The following ADAMTSL1 variants were observed in gnomAD, a reference collection of about 807,000 sequenced individuals.
The protein encoded by ADAMTSL1 is ADAMTS like 1.
ADAMTSL1 carries 126 observed loss-of-function variants against 201.8 expected under a neutral mutation model. The ratio of observed to expected loss-of-function variants is 0.62; its 90% confidence interval spans 0.54 to 0.72. ADAMTSL1 has a LOEUF of 0.72. ADAMTSL1 is among the 30% of genes least tolerant of loss of function. The pLI is 0.00. For synonymous variants in ADAMTSL1, 1,121 were observed against 903.4 expected, an observed-to-expected ratio of 1.24 and a Z score of -4.32; for missense variants, 2,679 against 2,277.8, an observed-to-expected ratio of 1.18 and a Z score of -3.59.
intron 21 of ADAMTSL1, among the ~76,000 whole-genome samples, chr9:18,823,240 C>A (rs892892544): frequency 1.3e-5 from 2 of 152,216 alleles, no homozygotes; most frequent in Admixed American, 1.3e-4. Flanking sequence ...CACTTAATTT[C>A]TCTTCCCTTG....
At chr9:18,681,703 G>GGGGT in intron 11 of ADAMTSL1, 109 bp from the exon 12 acceptor site, 1 of 710,280 alleles carries the variant, frequency 1.4e-6, no homozygotes, top group Non-Finnish European at 2.0e-6. Context: ...CGTGTGGGGG[G>GGGGT]GGGGGGCGGG....
intron 2 of ADAMTSL1, among the ~76,000 whole-genome samples, chr9:18,375,595 G>C (rs1175926397): frequency 1.3e-5 from 2 of 152,140 alleles, no homozygotes; most frequent in Non-Finnish European, 2.9e-5. Context: ...CTTCCGGTGA[G>C]TTTGTGGTCT....
intron 23 of ADAMTSL1, among the ~76,000 whole-genome samples, chr9:18,868,960 T>C (rs1233912070): frequency 1.3e-5 from 2 of 152,204 alleles, no homozygotes; most frequent in Admixed American, 1.3e-4. Context: ...TATGTGGAAA[T>C]AGGGTATTTG....
intron 2 of ADAMTSL1, among the ~76,000 whole-genome samples, chr9:18,290,500 A>G (rs566077614): frequency 3.3e-5 from 5 of 152,262 alleles, no homozygotes; most frequent in African/African-American, 1.2e-4. Context: ...GCTAATAGCC[A>G]TGGTAGAGGC....
At chr9:18,125,172 A>G (rs1458459931) in intron 1 of ADAMTSL1, among the ~76,000 whole-genome samples, 1 of 152,176 alleles carries the variant, frequency 6.6e-6, no homozygotes, top group African/African-American at 2.4e-5. Flanking sequence ...GAGGCCTCAC[A>G]ATCATGGTGG....
chr9:18,263,450 T>C (rs979918857), intron 2 of ADAMTSL1, among the ~76,000 whole-genome samples: 4 of 152,218 alleles, frequency 2.6e-5, no homozygotes, highest in African/African-American at 9.6e-5. Context: ...TGGCGTCACC[T>C]GGTGTTGTAG....
At chr9:18,207,670 G>A (rs1205045390) in intron 2 of ADAMTSL1, among the ~76,000 whole-genome samples, 6 of 152,004 alleles carry the variant, frequency 3.9e-5, no homozygotes, top group South Asian at 4.1e-4. Flanking sequence ...TGTAACATGC[G>A]GTTCATATGT....
intron 7 of ADAMTSL1, among the ~76,000 whole-genome samples, chr9:18,650,065 C>T (rs899310002): frequency 7.9e-5 from 12 of 152,348 alleles, no homozygotes; most frequent in African/African-American, 2.6e-4. Context: ...TTCCAGGCTG[C>T]TTTGTTTACC....
At chr9:18,317,747 G>A (rs1022374976) in intron 2 of ADAMTSL1, among the ~76,000 whole-genome samples, 1 of 152,172 alleles carries the variant, frequency 6.6e-6, no homozygotes, top group Non-Finnish European at 1.5e-5. Flanking sequence ...CCTTGGTGGA[G>A]TGCTTCTCCT....
At chr9:18,604,584 G>C (rs1824885072) in intron 4 of ADAMTSL1, among the ~76,000 whole-genome samples, 2 of 152,234 alleles carry the variant, frequency 1.3e-5, no homozygotes, top group African/African-American at 2.4e-5. Context: ...GTCATAGCAA[G>C]TCATAATTAC....
intron 22 of ADAMTSL1, 127 bp downstream of exon 22, chr9:18,826,590 T>G (rs1467930244): frequency 1.0e-5 from 12 of 1,155,356 alleles, no homozygotes; most frequent in Non-Finnish European, 1.4e-5. Flanking sequence ...TCCCTTCACT[T>G]CTTCCCAATT....
At chr9:17,951,173 G>A (rs1184915431) in intron 1 of ADAMTSL1, among the ~76,000 whole-genome samples, 5 of 152,188 alleles carry the variant, frequency 3.3e-5, no homozygotes, top group African/African-American at 1.2e-4. Flanking sequence ...TTAGGGATTA[G>A]CTCCCGGGGC....
chr9:18,864,554 C>T (rs938745371), intron 23 of ADAMTSL1, among the ~76,000 whole-genome samples: 1 of 152,262 alleles, frequency 6.6e-6, no homozygotes. Flanking sequence ...AGACAGGTGC[C>T]ACAAAGGCAA....
At chr9:18,474,063 A>AC, upstream of ADAMTSL1, 14 of 573,098 alleles carry the variant, frequency 2.4e-5, no homozygotes, top group Non-Finnish European at 3.7e-5. Context: ...CATTCAGCTT[A>AC]CCCCCCACCC....
At chr9:18,883,423 G>C (rs768639724) in intron 23 of ADAMTSL1, among the ~76,000 whole-genome samples, 5 of 152,158 alleles carry the variant, frequency 3.3e-5, no homozygotes, top group Non-Finnish European at 7.3e-5. Context: ...CTCTGCCTCA[G>C]TTTTTTATTG....
At chr9:18,307,377 C>G (rs1587517223) in intron 2 of ADAMTSL1, among the ~76,000 whole-genome samples, 1 of 151,950 alleles carries the variant, frequency 6.6e-6, no homozygotes, top group Non-Finnish European at 1.5e-5. Context: ...GGTTAAATGC[C>G]CCAATTAAGA....
At chr9:18,329,118 G>T (rs1834936688) in intron 2 of ADAMTSL1, among the ~76,000 whole-genome samples, 1 of 151,976 alleles carries the variant, frequency 6.6e-6, no homozygotes, top group Admixed American at 6.6e-5. Flanking sequence ...CTCATGAATG[G>T]GATTAGTGCC....
chr9:18,754,397 C>T (rs1819627113), intron 16 of ADAMTSL1, among the ~76,000 whole-genome samples: 1 of 152,150 alleles, frequency 6.6e-6, no homozygotes, highest in Non-Finnish European at 1.5e-5. Context: ...TTGCAGTTTG[C>T]TCCCTATTAG....
intron 23 of ADAMTSL1, among the ~76,000 whole-genome samples, chr9:18,864,247 G>C (rs1003388466): frequency 3.9e-5 from 6 of 152,150 alleles, no homozygotes; most frequent in African/African-American, 1.4e-4. Context: ...TGTTTATCAA[G>C]CTCAGGTGCC....
Sources: gnomAD v4.1 joint callset for allele counts (sites outside exome capture counted in the v4.1 genomes callset) on GRCh38, gnomAD v4.1.1 for gene constraint, MANE v1.5 for transcripts, NCBI Gene and HGNC (gene_info 2026-07-23, HGNC 2026-07-21) for gene names.